TMF1: variants seen among roughly 807,000 people sequenced by gnomAD.
TMF1 encodes the protein TATA element modulatory factor.
In TMF1, 71 loss-of-function variants were observed where a neutral mutation model predicts 126.5. The ratio of observed to expected loss-of-function variants is 0.56; its 90% CI spans 0.46 to 0.68. The LOEUF is 0.68. Among genes scored for constraint, TMF1 ranks in the 30% least tolerant of loss-of-function variants. The pLI, the probability that TMF1 is intolerant of heterozygous loss-of-function variation, is 0.00. For synonymous variants in TMF1, 461 were observed against 430.5 expected, an observed-to-expected ratio of 1.07 and a Z score of -0.88; for missense variants, 1,259 against 1,253.2, an observed-to-expected ratio of 1.00 and a Z score of -0.07.
Position 69,047,995 on chromosome 3 carries a change from C to T in TMF1, c.710G>A (p.Arg237Lys), listed in dbSNP as rs1394042494. Residue 237 changes from arginine to lysine, a missense_variant, in exon 2 of 17, where the codon AGG becomes AAG. Physicochemically the swap from Arg to Lys is conservative, Grantham distance 26. Coordinates refer to ENST00000398559, the MANE Select transcript of TMF1 (RefSeq NM_007114.3). ...LEPKEQKHED[R>K]QSNTPSPPVS... ...AGGAGGAGAAGGTGTATTGCTCTGCCTGTCTTCATGTTTTTGTTCCTTAGG... is the reference window on the plus strand; with the variant it reads ...AGGAGGAGAAGGTGTATTGCTCTGCTTGTCTTCATGTTTTTGTTCCTTAGG... 8 of 1,613,724 alleles carry T rather than the reference C, an allele frequency of 5.0e-6. No individual in the cohort carries two copies. The highest frequency in any genetic ancestry group is 6.8e-6 in the Non-Finnish European group (8 of 1,180,026).
chr3:69,044,561 C>G lies in TMF1; in HGVS notation c.1382G>C (p.Arg461Thr), dbSNP rs933800356. The G allele has an allele frequency of 1.2e-6, 2 of 1,608,682 alleles. No individual in the cohort carries two copies. Among genetic ancestry groups the G allele is most frequent in the African/African-American group, 2.7e-5 (2 of 74,526 alleles). ...VEFLNEKLEK[R>T]EAQLLSLSKE... is the part of the protein sequence containing the mutation. Reference sequence around the variant, plus strand: ...ACTAAGAGATAATAACTGAGCCTCCCTTTTTTCCAGCTTTTCATTCAGAAA... The same window carrying G: ...ACTAAGAGATAATAACTGAGCCTCCGTTTTTTCCAGCTTTTCATTCAGAAA... The change falls in exon 3 of 17, where the codon AGG (arginine) becomes ACG (threonine). Residue 461 changes from arginine to threonine, a missense_variant. Coordinates refer to ENST00000398559, the MANE Select transcript of TMF1 (RefSeq NM_007114.3).
At chr3:69,025,816 C>T (rs879431462) in intron 14 of TMF1, 104 bp from the exon 15 acceptor site, 2 of 1,330,342 alleles carry the variant, frequency 1.5e-6, no homozygotes, top group Admixed American at 2.3e-5. Flanking sequence ...CTTTAAATGT[C>T]TTCTCAAAGG....
At chr3:69,026,465 G>A (rs539976198) in intron 13 of TMF1, among the ~76,000 whole-genome samples, 83 of 152,128 alleles carry the variant, frequency 5.5e-4, no homozygotes, top group African/African-American at 1.8e-3. Context: ...GCGTGGTGGC[G>A]CATGCCTGTA....
intron 10 of TMF1, among the ~76,000 whole-genome samples, chr3:69,031,134 C>G (rs901980144): frequency 1.3e-5 from 2 of 152,064 alleles, no homozygotes; most frequent in African/African-American, 4.8e-5. Context: ...GTGAAAAAAG[C>G]CAAACCCAAA....
Position 69,044,490 on chromosome 3 carries a change from A to C in TMF1, c.1451+2T>G. The C allele has an allele frequency of 6.6e-7, 1 of 1,515,142 alleles. No homozygotes were observed. The highest frequency in any genetic ancestry group is 9.1e-7 in the Non-Finnish European group (1 of 1,104,836). The allele number at this position is 1,515,142 out of a possible 1,614,324, so 93.9% of individuals were successfully genotyped here. A position where few individuals can be genotyped will look rare whatever the true frequency, so the allele number is the denominator to read the frequency against. On this transcript the variant is annotated splice_donor_variant, in intron 3 of 16. Coordinates refer to ENST00000398559, the MANE Select transcript of TMF1 (RefSeq NM_007114.3). LOFTEE classifies it high-confidence loss of function. ...CATTATTCACATTTGCAGAATACTT[A>C]CTCTTTCAGGTTATCAAAAGCTTCT...
At position 69,047,359 on chromosome 3, in the gene TMF1, T is replaced by C. The variant is rs568177626; in HGVS notation, c.1346A>G (p.Lys449Arg). 5 of 1,578,304 alleles carry C rather than the reference T, an allele frequency of 3.2e-6. No individual in the cohort carries two copies. The African/African-American group carries it at 5.4e-5, about 17-fold the overall frequency. ...EALSEKEDVC[K>R]TVEFLNEKLE... The stretch of plus-strand genomic sequence containing the variant: ...ATCCCTTCCACTTACTAGAGTTACC[T>C]TGCAAACATCTTCCTTCTCAGAAAG... Residue 449 changes from lysine to arginine, a missense_variant and splice_region_variant, in exon 2 of 17, where the codon AAG becomes AGG. Physicochemically the swap from Lys to Arg is conservative, Grantham distance 26. Coordinates refer to ENST00000398559, the MANE Select transcript of TMF1 (RefSeq NM_007114.3).
chr3:69,047,407 G>A lies in TMF1; in HGVS notation c.1298C>T (p.Pro433Leu). ...AAGTGCTTCTGGCTGACTTTCAGCAGGTTCACACTGCTCAGCCACCTTGTC... is the reference window on the plus strand; with the variant it reads ...AAGTGCTTCTGGCTGACTTTCAGCAAGTTCACACTGCTCAGCCACCTTGTC... ...VLDKVAEQCE[P>L]AESQPEALSE... The change falls in exon 2 of 17, where the codon CCT (proline) becomes CTT (leucine). Residue 433 changes from proline (P) to leucine (L), a missense_variant. Physicochemically the swap from Pro to Leu is moderately conservative, Grantham distance 98. Transcript: ENST00000398559. 1 of 1,613,274 alleles carries A rather than the reference G, an allele frequency of 6.2e-7. No individual in the cohort carries two copies.
chr3:69,032,766 C>G (rs969922411), intron 10 of TMF1, among the ~76,000 whole-genome samples: 1 of 152,076 alleles, frequency 6.6e-6, no homozygotes, highest in African/African-American at 2.4e-5. Context: ...TGCGCCATGA[C>G]ACCCAGCTGA....
intron 16 of TMF1, 117 bp downstream of exon 16, chr3:69,023,938 A>AT (rs1383739919): frequency 2.1e-6 from 2 of 962,616 alleles, no homozygotes; most frequent in African/African-American, 3.5e-5. Context: ...TTGCTCAAAT[A>AT]TTAGTACTCT....
At chr3:69,028,739 C>T (rs563486330) in intron 11 of TMF1, among the ~76,000 whole-genome samples, 1 of 152,052 alleles carries the variant, frequency 6.6e-6, no homozygotes, top group Non-Finnish European at 1.5e-5. Flanking sequence ...AAATACTAAC[C>T]ATTGCCTTAA....
intron 1 of TMF1, among the ~76,000 whole-genome samples, chr3:69,050,840 T>C (rs1272332927): frequency 2.0e-5 from 3 of 152,172 alleles, no homozygotes; most frequent in African/African-American, 7.2e-5. Context: ...TCTTATCCTT[T>C]TTCACACAAA....
intron 1 of TMF1, among the ~76,000 whole-genome samples, chr3:69,050,121 G>A (rs2091918160): frequency 6.6e-6 from 1 of 151,936 alleles, no homozygotes. Flanking sequence ...TTAGGCAGGT[G>A]TGGTGACGCA....
In TMF1 at chr3:69,029,873, G is replaced by A; in HGVS notation, c.2536C>T (p.Gln846Ter). 6.2e-7 allele frequency: 1 copy of A among 1,614,026 alleles called. No homozygotes were observed. The highest frequency in any genetic ancestry group is 1.1e-5 in the South Asian group (1 of 91,070). ...TTTTTCTCTGATTCTAGCTGGGCTT[G>A]AAATCTACTGTTTTCCTGTCTTAAA... The part of the protein sequence containing the change: ...SLLRQENSRF[Q>*]AQLESEKNRL... Residue 846 changes from glutamine to a stop codon, truncating the protein, a stop_gained, in exon 11 of 17, where the codon CAA (glutamine) becomes TAA (stop). Coordinates refer to ENST00000398559, the MANE Select transcript of TMF1 (RefSeq NM_007114.3). LOFTEE classifies it high-confidence loss of function.
At chr3:69,023,947 C>A in intron 16 of TMF1, 108 bp downstream of exon 16, 1 of 1,083,844 alleles carries the variant, frequency 9.2e-7, no homozygotes, top group Non-Finnish European at 1.3e-6. Flanking sequence ...TATTAGTACT[C>A]TTTAATTTTC....
Position 69,020,425 on chromosome 3 carries a change from T to TGTCTATAAATGACCAAACAACC in TMF1, c.*2730_*2751dup, listed in dbSNP as rs2091723345. ...AGGACATCTACAGTCTGTGCTTAAT[T>TGTCTATAAATGACCAAACAACC]GTCTATAAATGACCAAACAACCTTC... On this transcript the variant is annotated 3_prime_UTR_variant, in exon 17 of 17. Transcript: ENST00000398559. 9.8e-5 allele frequency: 15 copies of TGTCTATAAATGACCAAACAACC among 152,298 alleles called. No individual in the cohort carries two copies. In the South Asian group the frequency reaches 2.7e-3, roughly 27 times the overall value. 9.4% of individuals were successfully genotyped at this position (152,298 alleles called of 1,614,324 possible). A position where few individuals can be genotyped will look rare whatever the true frequency, so the allele number is the denominator to read the frequency against.
At position 69,028,257 on chromosome 3, in the gene TMF1, ACATATT is replaced by A. The variant is rs2091780967; in HGVS notation, c.2627_2632del (p.Glu876_Tyr877del). 7 of 1,613,234 alleles carry A rather than the reference ACATATT, an allele frequency of 4.3e-6. No individual in the cohort carries two copies. The highest frequency in any genetic ancestry group is 1.3e-5 in the African/African-American group (1 of 74,924). On this transcript the variant is annotated inframe_deletion, in exon 12 of 17. Coordinates refer to ENST00000398559, the MANE Select transcript of TMF1 (RefSeq NM_007114.3). The stretch of plus-strand genomic sequence containing the variant: ...TTTCCTCGTCTCTTCAAGTGTTCTT[ACATATT>A]CATCTTTTAGGTTTTCCAATTCAAC...
At position 69,040,462 on chromosome 3, in the gene TMF1, T is replaced by G. The variant is rs2091857425; in HGVS notation, c.1685-769A>C. On this transcript the variant is annotated intron_variant, in intron 5 of 16. Coordinates refer to ENST00000398559, the MANE Select transcript of TMF1 (RefSeq NM_007114.3). ...ATTTAGGAGCAGAATGTTACGGTAT[T>G]TGTAACCTCCTTTCAAATGAGTTGA... 4 of 152,342 alleles carry G rather than the reference T, an allele frequency of 2.6e-5. No homozygotes were observed. The South Asian group carries it at 8.3e-4, about 32-fold the overall frequency. The allele number at this position is 152,342 out of a possible 1,614,324, so 9.4% of individuals were successfully genotyped here. A position where few individuals can be genotyped will look rare whatever the true frequency, so the allele number is the denominator to read the frequency against.
intron 2 of TMF1, among the ~76,000 whole-genome samples, chr3:69,046,573 T>C (rs1215438104): frequency 6.6e-6 from 1 of 152,166 alleles, no homozygotes; most frequent in African/African-American, 2.4e-5. Flanking sequence ...CTTCAAGACA[T>C]CCTACATCTC....
At chr3:69,050,505 C>G (rs1319430918) in intron 1 of TMF1, among the ~76,000 whole-genome samples, 1 of 152,104 alleles carries the variant, frequency 6.6e-6, no homozygotes, top group Non-Finnish European at 1.5e-5. Flanking sequence ...TTGGAGAATA[C>G]TTTATATAAT....
Sources: allele counts gnomAD v4.1 joint callset (sites outside exome capture counted in the v4.1 genomes callset), GRCh38; gene constraint gnomAD v4.1.1; transcripts MANE v1.5; gene names NCBI Gene and HGNC (gene_info 2026-07-23, HGNC 2026-07-21).